The following LFNG variants were observed in gnomAD, a reference collection of about 807,000 sequenced individuals.
The protein encoded by LFNG is beta-1,3-N-acetylglucosaminyltransferase lunatic fringe.
LFNG carries 15 observed loss-of-function variants against 32.7 expected under a neutral mutation model. The ratio of observed to expected loss-of-function variants is 0.46; its 90% CI spans 0.31 to 0.71. LFNG has a LOEUF of 0.71. Ranked by LOEUF, LFNG falls within the 30% of genes least tolerant of loss-of-function variation. The pLI, the probability that LFNG is intolerant of heterozygous loss-of-function variation, is 0.06. For synonymous variants in LFNG, 274 were observed against 246.8 expected (o/e 1.11, Z -1.03); for missense variants, 520 against 545.7 (o/e 0.95, Z 0.47).
chr7:2,529,167 C>T (rs1780081774), downstream of LFNG: 1 of 294,954 alleles, frequency 3.4e-6, no homozygotes, highest in South Asian at 1.4e-4. This position sits in a 1 kb window ranked among gnomAD's most constrained non-coding sequence, Gnocchi z 4.2. Flanking sequence ...CGGTGCTTTT[C>T]CTTCCTCAAA....
upstream of LFNG, among the ~76,000 whole-genome samples, chr7:2,514,586 TCATC>T (rs1779566138): frequency 1.6e-5 from 2 of 121,882 alleles, no homozygotes; most frequent in African/African-American, 6.1e-5. Context: ...ATCCATCCAT[TCATC>T]CATCCATCTG....
At position 2,520,010 on chromosome 7, in the gene LFNG, G is replaced by T; in HGVS notation, c.149G>T (p.Gly50Val). The stretch of plus-strand genomic sequence containing the variant: ...CTGCGCAGCCTGGCGGGCCCCGCGG[G>T]GGCTGCCCCGGCGCCCGGGCTGGGG... ...RALRSLAGPAGAAPAPGLGAA... is the reference protein window; with the variant it reads ...RALRSLAGPAVAAPAPGLGAA... The change falls in exon 1 of 8, where the codon GGG becomes GTG. Residue 50 changes from glycine (G) to valine (V), a missense_variant. Gly to Val is a moderately radical substitution (Grantham distance 109, BLOSUM62 -3). Transcript: ENST00000222725. This position sits in a 1 kb window ranked among gnomAD's most constrained non-coding sequence, Gnocchi z 5.0. 2.0e-6 allele frequency: 2 copies of T among 993,072 alleles called. No individual in the cohort carries two copies. The highest frequency in any genetic ancestry group is 4.5e-5 in the South Asian group (1 of 22,106). The allele number at this position is 993,072 out of a possible 1,614,324, so 61.5% of individuals were successfully genotyped here. A position where few individuals can be genotyped will look rare whatever the true frequency, so the allele number is the denominator to read the frequency against.
At chr7:2,519,279 C>A (rs866341887), upstream of LFNG, among the ~76,000 whole-genome samples, 193 of 152,320 alleles carry the variant, frequency 1.3e-3, no homozygotes, top group African/African-American at 4.5e-3. Flanking sequence ...AAGACCCAGG[C>A]GCCACCCCAG....
chr7:2,519,846 C>A lies in LFNG; in HGVS notation c.-16C>A. The A allele has an allele frequency of 9.3e-7, 1 of 1,078,358 alleles. No homozygotes were observed. Among genetic ancestry groups the A allele is most frequent in the Non-Finnish European group, 1.1e-6 (1 of 890,866 alleles). The allele number at this position is 1,078,358 out of a possible 1,614,324, so 66.8% of individuals were successfully genotyped here. ...GGCGCACGGGGAAGGGCGCGCCGCG[C>A]GGCCGCCACCCCACCATGCTCAAGC... is the stretch of plus-strand genomic sequence containing the variant. On this transcript the variant is annotated 5_prime_UTR_variant, in exon 1 of 8. Transcript: ENST00000222725.
upstream of LFNG, chr7:2,519,743 G>T (rs1206044493): frequency 5.6e-6 from 3 of 533,848 alleles, no homozygotes; most frequent in Non-Finnish European, 7.2e-6. Context: ...GGGCGGGGAG[G>T]TTTAAGAGCG....
chr7:2,517,925 G>A (rs117336489), upstream of LFNG: 6,944 of 1,154,946 alleles, frequency 6.0e-3, 25 homozygotes, highest in Middle Eastern at 0.017. Flanking sequence ...CAGCTGCTGC[G>A]TGGAGAATAA....
chr7:2,519,077 A>ACTTCGT (rs1562550646), upstream of LFNG, among the ~76,000 whole-genome samples: 1 of 152,174 alleles, frequency 6.6e-6, no homozygotes, highest in Non-Finnish European at 1.5e-5. Flanking sequence ...TCTCCTCGCC[A>ACTTCGT]TGGGGCGCCT....
upstream of LFNG, among the ~76,000 whole-genome samples, chr7:2,515,916 G>T (rs1011206526): frequency 6.6e-6 from 1 of 152,222 alleles, no homozygotes; most frequent in Non-Finnish European, 1.5e-5. Flanking sequence ...TCCCTCCCCC[G>T]GCCTTGGGAG....
chr7:2,526,260 AATAC>A lies in LFNG; in HGVS notation c.839_842del (p.Asn280ArgfsTer50). ...CTCCCGCAGCGGGGGTCACTTCATG[AATAC>A]GGCTGAGCGGATCCGGCTGCCTGAT... On this transcript the variant is annotated frameshift_variant, in exon 6 of 8. Coordinates refer to ENST00000222725, the MANE Select transcript of LFNG (RefSeq NM_001040167.2). LOFTEE classifies it high-confidence loss of function. This position sits in a 1 kb window ranked among gnomAD's most constrained non-coding sequence, Gnocchi z 6.9. The A allele has an allele frequency of 6.2e-7, 1 of 1,612,978 alleles. No homozygotes were observed. Among genetic ancestry groups the A allele is most frequent in the Non-Finnish European group, 8.5e-7 (1 of 1,179,954 alleles).
At chr7:2,521,691 A>G (rs918407113) in intron 1 of LFNG, among the ~76,000 whole-genome samples, 1 of 151,948 alleles carries the variant, frequency 6.6e-6, no homozygotes, top group African/African-American at 2.4e-5. Flanking sequence ...AGCTCTGAGC[A>G]CCTCTCATCT....
chr7:2,526,337 C>T lies in LFNG; in HGVS notation c.915C>T (p.Leu305=). ...TGGAGGCCCTGCTGGGTGTGCCCCT[C>T]ATCCGCAGCGGCCTCTTCCACTCCC... ...YIVEALLGVP[L]IRSGLFHSHL... The change falls in exon 6 of 8, where the codon CTC becomes CTT. Residue 305 remains leucine (L), a synonymous_variant. Transcript: ENST00000222725. This position sits in a 1 kb window ranked among gnomAD's most constrained non-coding sequence, Gnocchi z 6.9. The T allele has an allele frequency of 1.2e-6, 2 of 1,612,580 alleles. No individual in the cohort carries two copies. Among genetic ancestry groups the T allele is most frequent in the Non-Finnish European group, 1.7e-6 (2 of 1,179,966 alleles).
rs140457337 is a variant in LFNG at position 2,524,509 on chromosome 7, G to A, written c.433-186G>A. The A allele has an allele frequency of 3.5e-3, 2,314 of 662,188 alleles. 47 individuals are homozygous for A. The highest frequency in any genetic ancestry group is 0.035 in the Admixed American group (1,611 of 46,368). The allele number at this position is 662,188 out of a possible 1,614,324, so 41.0% of individuals were successfully genotyped here. Reference sequence around the variant, plus strand: ...TGAATGCGTGAGCTCTGGCCCAGATGGCACTGAGATGGGGCACTTGAGCCC... The same window carrying A: ...TGAATGCGTGAGCTCTGGCCCAGATAGCACTGAGATGGGGCACTTGAGCCC... On this transcript the variant is annotated intron_variant, in intron 1 of 7. Coordinates refer to ENST00000222725, the MANE Select transcript of LFNG (RefSeq NM_001040167.2).
Position 2,527,341 on chromosome 7 carries a change from T to TGC in LFNG, c.*130_*131insCG, listed in dbSNP as rs545875243. 6,386 of 1,456,878 alleles carry TGC rather than the reference T, an allele frequency of 4.4e-3. 53 individuals are homozygous for TGC. The highest frequency in any genetic ancestry group is 0.025 in the Middle Eastern group (105 of 4,198). The allele number at this position is 1,456,878 out of a possible 1,614,324, so 90.2% of individuals were successfully genotyped here. A position where few individuals can be genotyped will look rare whatever the true frequency, so the allele number is the denominator to read the frequency against. On this transcript the variant is annotated 3_prime_UTR_variant, in exon 8 of 8. Transcript: ENST00000222725. The surrounding 1 kb of genome is among the most constrained non-coding windows in gnomAD (Gnocchi z 4.4). ...GTGCCTGTGCGTGTGCGTGTGCGTG[T>TGC]GTGTGTGTGTGTACTGCATGCCCAC...
chr7:2,515,102 C>T (rs1779593258), upstream of LFNG, among the ~76,000 whole-genome samples: 1 of 152,016 alleles, frequency 6.6e-6, no homozygotes, highest in Non-Finnish European at 1.5e-5. Context: ...ATCCGTCTGT[C>T]TGTCTGCCCA....
chr7:2,526,539 G>T lies in LFNG; in HGVS notation c.987+130G>T. The T allele has an allele frequency of 9.9e-7, 1 of 1,006,418 alleles. No individual in the cohort carries two copies. Among genetic ancestry groups the T allele is most frequent in the Non-Finnish European group, 1.5e-6 (1 of 673,998 alleles). 62.3% of individuals were successfully genotyped at this position (1,006,418 alleles called of 1,614,324 possible). ...CCAGGCAGCACTCCACTGTCAGCCA[G>T]GGGGGGTCACTCCTGCCATGAGCTC... On this transcript the variant is annotated intron_variant, in intron 6 of 7. Coordinates refer to ENST00000222725, the MANE Select transcript of LFNG (RefSeq NM_001040167.2). The surrounding 1 kb of genome is among the most constrained non-coding windows in gnomAD (Gnocchi z 6.9).
In LFNG at chr7:2,527,191, T is replaced by C; in HGVS notation, c.1119T>C (p.Cys373=). 6.2e-7 allele frequency: 1 copy of C among 1,612,860 alleles called. No individual in the cohort carries two copies. The change falls in exon 8 of 8, where the codon TGT becomes TGC. Residue 373 remains cysteine, a synonymous_variant. Transcript: ENST00000222725. The surrounding 1 kb of genome is among the most constrained non-coding windows in gnomAD (Gnocchi z 4.4). ...ACCTGTACCCGGACACACCCTGGTG[T>C]CCCCGCACTGCCATCTTCTAGTGGC... ...HCHLYPDTPW[C]PRTAIF is the part of the protein sequence containing the mutation.
Position 2,526,530 on chromosome 7 carries a change from T to C in LFNG, c.987+121T>C. ...ACAGGGAGGCCAGGCAGCACTCCAC[T>C]GTCAGCCAGGGGGGGTCACTCCTGC... is the stretch of plus-strand genomic sequence containing the variant. On this transcript the variant is annotated intron_variant, in intron 6 of 7. Transcript: ENST00000222725. The surrounding 1 kb of genome is among the most constrained non-coding windows in gnomAD (Gnocchi z 6.9). 4 of 1,103,264 alleles carry C rather than the reference T, an allele frequency of 3.6e-6. No homozygotes were observed. The highest frequency in any genetic ancestry group is 1.4e-5 in the South Asian group (1 of 73,936). The allele number at this position is 1,103,264 out of a possible 1,614,324, so 68.3% of individuals were successfully genotyped here. A position where few individuals can be genotyped will look rare whatever the true frequency, so the allele number is the denominator to read the frequency against.
rs928184986 is a variant in LFNG at position 2,520,298 on chromosome 7, G to GC, written c.432+11dup. ...ATCTCGCGCCACAAGGAGATGGTGA[G>GC]CCCCCCGCGGCCTGGACTGGCGGGC... On this transcript the variant is annotated splice_donor_region_variant and intron_variant, in intron 1 of 7. Transcript: ENST00000222725. The surrounding 1 kb of genome is among the most constrained non-coding windows in gnomAD (Gnocchi z 5.0). The GC allele has an allele frequency of 1.8e-5, 29 of 1,606,898 alleles. No individual in the cohort carries two copies. The highest frequency in any genetic ancestry group is 2.4e-5 in the Non-Finnish European group (28 of 1,177,026).
chr7:2,515,243 C>T (rs1241675656), upstream of LFNG, among the ~76,000 whole-genome samples: 1 of 152,164 alleles, frequency 6.6e-6, no homozygotes, highest in Non-Finnish European at 1.5e-5. Flanking sequence ...ACCATCCATC[C>T]ATCTGCCAAT....
Sources: gnomAD v4.1 joint callset for allele counts (sites outside exome capture counted in the v4.1 genomes callset) on GRCh38, gnomAD v4.1.1 for gene constraint, Gnocchi (gnomAD v3.1) non-coding constraint, MANE v1.5 for transcripts, NCBI Gene and HGNC (gene_info 2026-07-23, HGNC 2026-07-21) for gene names.